The following RPS6KB1 variants were observed in gnomAD, a reference collection of about 807,000 sequenced individuals.
The protein encoded by RPS6KB1 is ribosomal protein S6 kinase B1, also known as ribosomal protein S6 kinase beta-1.
A neutral mutation model predicts 70.2 loss-of-function variants in RPS6KB1; 12 were observed. The observed-to-expected ratio is 0.17, with a 90% CI of 0.11 to 0.28. RPS6KB1 has a LOEUF of 0.28. Ranked by LOEUF, RPS6KB1 falls within the 10% of genes least tolerant of loss-of-function variation. The pLI is 1.00. For synonymous variants in RPS6KB1, 175 were observed against 211.2 expected (o/e 0.83, Z 1.49); for missense variants, 270 against 646.6 (o/e 0.42, Z 6.32).
intron 1 of RPS6KB1, among the ~76,000 whole-genome samples, chr17:59,904,370 C>T (rs984417161): frequency 1.2e-4 from 18 of 151,704 alleles, no homozygotes; most frequent in African/African-American, 4.4e-4. Flanking sequence ...TGAGCCACTG[C>T]GCACAGCCCG....
intron 4 of RPS6KB1, among the ~76,000 whole-genome samples, chr17:59,916,966 A>G (rs552594427): frequency 1.3e-5 from 2 of 152,190 alleles, no homozygotes; most frequent in South Asian, 2.1e-4. Context: ...GTTTTCTTCT[A>G]TTCTTGAGAG....
At chr17:59,940,275 CTTTTTTTTT>C (rs559026454) in intron 12 of RPS6KB1, among the ~76,000 whole-genome samples, 17 of 81,520 alleles carry the variant, frequency 2.1e-4, no homozygotes, top group East Asian at 7.6e-4. Context: ...GATATATTCA[CTTTTTTTTT>C]TTTTTTTTTT....
Position 59,947,717 on chromosome 17 carries a change from G to A in RPS6KB1, c.*929G>A. On this transcript the variant is annotated 3_prime_UTR_variant, in exon 15 of 15. Coordinates refer to ENST00000225577, the MANE Select transcript of RPS6KB1 (RefSeq NM_003161.4). ...GCCACCTGTTCTTACACCAGTATTT[G>A]GTTCAAGACACCAAATGTCTTCAGC... 1.5e-6 allele frequency: 1 copy of A among 684,092 alleles called. No homozygotes were observed. Among genetic ancestry groups the A allele is most frequent in the South Asian group, 1.7e-5 (1 of 60,282 alleles). 42.4% of individuals were successfully genotyped at this position (684,092 alleles called of 1,614,324 possible). A position where few individuals can be genotyped will look rare whatever the true frequency, so the allele number is the denominator to read the frequency against.
chr17:59,929,682 G>T (rs899667928), intron 5 of RPS6KB1, among the ~76,000 whole-genome samples: 2 of 152,134 alleles, frequency 1.3e-5, no homozygotes, highest in Non-Finnish European at 2.9e-5. Context: ...CCAGTGCCAG[G>T]TTTATTCTGT....
rs749435991 is a variant in RPS6KB1, at chr17:59,926,520, T to C, written c.467T>C (p.Val156Ala). 1 of 1,612,298 alleles carries C rather than the reference T, an allele frequency of 6.2e-7. No individual in the cohort carries two copies. The highest frequency in any genetic ancestry group is 1.1e-5 in the South Asian group (1 of 91,026). The change falls in exon 5 of 15, where the codon GTG becomes GCG. Residue 156 changes from valine (V) to alanine (A), a missense_variant. Physicochemically the swap from Val to Ala is moderately conservative, Grantham distance 64. Coordinates refer to ENST00000225577, the MANE Select transcript of RPS6KB1 (RefSeq NM_003161.4). ...ILEEVKHPFI[V>A]DLIYAFQTGG... Reference sequence around the variant, plus strand: ...GAGGAAGTAAAGCATCCCTTCATCGTGGATTTAATTTATGCCTTTCAGACT... The same window carrying C: ...GAGGAAGTAAAGCATCCCTTCATCGCGGATTTAATTTATGCCTTTCAGACT...
At chr17:59,920,966 G>A (rs924532792) in intron 4 of RPS6KB1, among the ~76,000 whole-genome samples, 2 of 152,106 alleles carry the variant, frequency 1.3e-5, no homozygotes, top group Non-Finnish European at 2.9e-5. Flanking sequence ...CTAAAGTGCT[G>A]GAATTATGGG....
intron 4 of RPS6KB1, among the ~76,000 whole-genome samples, chr17:59,915,996 G>T (rs1025388429): frequency 1.3e-5 from 2 of 151,148 alleles, no homozygotes; most frequent in African/African-American, 4.9e-5. Context: ...TGTTGGTTAG[G>T]CTGGTCTCGA....
chr17:59,911,441 A>G (rs1207604131), intron 2 of RPS6KB1, among the ~76,000 whole-genome samples: 2 of 150,350 alleles, frequency 1.3e-5, no homozygotes, highest in African/African-American at 4.9e-5. Flanking sequence ...GCTCACCACA[A>G]CCTCCACCTC....
chr17:59,900,947 A>C (rs2041898919), intron 1 of RPS6KB1, among the ~76,000 whole-genome samples: 1 of 151,370 alleles, frequency 6.6e-6, no homozygotes, highest in African/African-American at 2.4e-5. Context: ...GGATCACTTG[A>C]AGTTGGGAGT....
At chr17:59,902,867 C>T (rs2042039456) in intron 1 of RPS6KB1, among the ~76,000 whole-genome samples, 1 of 152,090 alleles carries the variant, frequency 6.6e-6, no homozygotes, top group South Asian at 2.1e-4. Flanking sequence ...CATGAGCCAC[C>T]TCCTCGCCTG....
chr17:59,943,384 C>T (rs1478683733), intron 13 of RPS6KB1, among the ~76,000 whole-genome samples: 1 of 152,086 alleles, frequency 6.6e-6, no homozygotes, highest in Admixed American at 6.5e-5. Flanking sequence ...ACAGTTTTCC[C>T]CCCACAAAAT....
chr17:59,896,699 G>T lies in RPS6KB1; in HGVS notation c.141+3374G>T, dbSNP rs1407030809. On this transcript the variant is annotated intron_variant, in intron 1 of 14. Transcript: ENST00000225577. ...AAAGAAATATGGCCCCGATTTTGGG[G>T]AGAGAAAGTCTGGGGAAAGAGCAAA... 3.9e-5 allele frequency among the ~76,000 whole-genome samples: 6 copies of T among 152,286 alleles called. No individual in the cohort carries two copies. The South Asian group carries it at 1.2e-3, about 32-fold the overall frequency.
chr17:59,945,544 TTTTTTG>T, intron 14 of RPS6KB1, 26 bp downstream of exon 14: 1 of 1,347,876 alleles, frequency 7.4e-7, no homozygotes. Context: ...ATTTTCACTT[TTTTTTG>T]TTTTTAAACA....
intron 10 of RPS6KB1, among the ~76,000 whole-genome samples, 183 bp from the exon 11 acceptor site, chr17:59,936,032 C>T (rs2144998969): frequency 6.6e-6 from 1 of 152,116 alleles, no homozygotes; most frequent in Non-Finnish European, 1.5e-5. Context: ...ACCTCGAACT[C>T]CCAACCTCAG....
chr17:59,928,411 C>T (rs1486467480), intron 5 of RPS6KB1, among the ~76,000 whole-genome samples: 2 of 150,076 alleles, frequency 1.3e-5, no homozygotes, highest in Non-Finnish European at 3.0e-5. Flanking sequence ...GATGGAGTCT[C>T]ACTCTGTCGC....
At chr17:59,923,982 C>T (rs1014275064) in intron 4 of RPS6KB1, among the ~76,000 whole-genome samples, 10 of 152,130 alleles carry the variant, frequency 6.6e-5, no homozygotes. Context: ...TATTTCTTTG[C>T]AATTTTTTGT....
At chr17:59,901,461 TAAAA>T (rs77992185) in intron 1 of RPS6KB1, among the ~76,000 whole-genome samples, 1 of 137,146 alleles carries the variant, frequency 7.3e-6, no homozygotes, top group African/African-American at 2.6e-5. Context: ...GACTCCATCT[TAAAA>T]AAAAAAAAAG....
In RPS6KB1 at chr17:59,945,482, C is replaced by G; in HGVS notation, c.1304C>G (p.Pro435Arg). 1 of 1,611,606 alleles carries G rather than the reference C, an allele frequency of 6.2e-7. No homozygotes were observed. Among genetic ancestry groups the G allele is most frequent in the Non-Finnish European group, 8.5e-7 (1 of 1,177,794 alleles). Residue 435 changes from proline (P) to arginine (R), a missense_variant, in exon 14 of 15, where the codon CCT becomes CGT. By Grantham distance (103) the Pro-to-Arg change is moderately radical. Transcript: ENST00000225577. ...KFSFEPKIRS[P>R]RRFIGSPRTP... ...TCCTTTGAACCAAAAATCCGATCAC[C>G]TCGAAGATTTATTGGCAGCCCACGA...
Position 59,893,765 on chromosome 17 carries a change from C to T in RPS6KB1, c.141+440C>T. ...GAATCTTCAGACCTCCCACAACCAC[C>T]TCTCTTCTCGGCCTGTCGCTTCTCT... On this transcript the variant is annotated intron_variant, in intron 1 of 14. Transcript: ENST00000225577. The surrounding 1 kb of genome is among the most constrained non-coding windows in gnomAD (Gnocchi z 4.1). 2.0e-6 allele frequency: 2 copies of T among 991,958 alleles called. No individual in the cohort carries two copies. The highest frequency in any genetic ancestry group is 2.4e-6 in the Non-Finnish European group (2 of 833,492). 61.4% of individuals were successfully genotyped at this position (991,958 alleles called of 1,614,324 possible).
Sources: gnomAD v4.1 joint callset for allele counts (sites outside exome capture counted in the v4.1 genomes callset) on GRCh38, gnomAD v4.1.1 for gene constraint, Gnocchi (gnomAD v3.1) non-coding constraint, MANE v1.5 for transcripts, NCBI Gene and HGNC (gene_info 2026-07-23, HGNC 2026-07-21) for gene names.